C19orf38: variants seen among roughly 807,000 people sequenced by gnomAD.
C19orf38 encodes chromosome 19 open reading frame 38.
C19orf38 carries 14 observed loss-of-function variants against 26.6 expected under a neutral mutation model. The ratio of observed to expected loss-of-function variants is 0.53; its 90% CI spans 0.35 to 0.82. The LOEUF (loss-of-function observed/expected upper bound fraction) is 0.82, where lower values mean the gene tolerates loss of function less well. Ranked by LOEUF, C19orf38 falls within the 40% of genes least tolerant of loss-of-function variation. The pLI, the probability that C19orf38 is intolerant of heterozygous loss-of-function variation, is 0.01. For synonymous variants in C19orf38, 132 were observed against 128.5 expected, an observed-to-expected ratio of 1.03 and a Z score of -0.18; for missense variants, 261 against 299.5, an observed-to-expected ratio of 0.87 and a Z score of 0.95.
intron 5 of C19orf38, 100 bp downstream of exon 5, chr19:10,860,058 T>C (rs1207976608): frequency 3.2e-6 from 4 of 1,264,864 alleles, no homozygotes; most frequent in Non-Finnish European, 1.1e-6. Context: ...CTGTGACTGC[T>C]TGTTCCCTTT....
chr19:10,865,997 A>G (rs2073747544), intron 6 of C19orf38, among the ~76,000 whole-genome samples: 1 of 150,312 alleles, frequency 6.7e-6, no homozygotes, highest in African/African-American at 2.4e-5. Context: ...TTATATATAT[A>G]TTTATTTATT....
At chr19:10,845,106 A>G (rs1224223961), upstream of C19orf38, among the ~76,000 whole-genome samples, 1 of 151,374 alleles carries the variant, frequency 6.6e-6, no homozygotes, top group Non-Finnish European at 1.5e-5. Flanking sequence ...GCAGTGAGCC[A>G]TGATTATACC....
Position 10,859,905 on chromosome 19 carries a change from TC to T in C19orf38, c.462-8del. ...TGATCCCTGTCACTTTCTCCTGAAT[TC>T]CTTTGCAGAGATCGAGAATCCTGCT... is the stretch of plus-strand genomic sequence containing the variant. On this transcript the variant is annotated splice_polypyrimidine_tract_variant and intron_variant, in intron 4 of 6. Coordinates refer to ENST00000397820, the MANE Select transcript of C19orf38 (RefSeq NM_001136482.3). The T allele has an allele frequency of 6.4e-7, 1 of 1,551,602 alleles. No homozygotes were observed. The highest frequency in any genetic ancestry group is 8.7e-7 in the Non-Finnish European group (1 of 1,146,780).
chr19:10,850,624 C>T, intron 2 of C19orf38, 57 bp downstream of exon 2: 8 of 1,514,338 alleles, frequency 5.3e-6, no homozygotes, highest in Non-Finnish European at 7.1e-6. Context: ...ACATGGACCT[C>T]TTGTGTGTAC....
In C19orf38 at chr19:10,859,139, G is replaced by T. The variant is rs1288107627; in HGVS notation, c.462-776G>T. On this transcript the variant is annotated intron_variant, in intron 4 of 6. Coordinates refer to ENST00000397820, the MANE Select transcript of C19orf38 (RefSeq NM_001136482.3). ...TTTAGTAGAGACGGGATTTCTCCAT[G>T]TTGGTCCGGGTGGTCTTGAACTCCC... Among the ~76,000 whole-genome samples the T allele has an allele frequency of 3.3e-5, 5 of 149,378 alleles. No individual in the cohort carries two copies. The East Asian group carries it at 7.9e-4, about 24-fold the overall frequency.
intron 6 of C19orf38, among the ~76,000 whole-genome samples, chr19:10,864,861 A>G (rs2073736911): frequency 6.6e-6 from 1 of 152,148 alleles, no homozygotes; most frequent in Non-Finnish European, 1.5e-5. Flanking sequence ...GGAGTCAGCC[A>G]CCTCAACCCA....
chr19:10,846,373 A>AT (rs980004902), upstream of C19orf38, among the ~76,000 whole-genome samples: 4 of 150,516 alleles, frequency 2.7e-5, no homozygotes, highest in East Asian at 2.0e-4. Context: ...ATTAAAAAAA[A>AT]TTTTTTTTTA....
chr19:10,842,142 C>G (rs922881130), intron 1 of C19orf38: 161 of 1,579,820 alleles, frequency 1.0e-4, no homozygotes, highest in Non-Finnish European at 1.2e-4. Flanking sequence ...CACTCAGGCC[C>G]AGATGACACC....
In C19orf38 at chr19:10,867,360, T is replaced by C. The variant is rs543937161; in HGVS notation, c.544-1858T>C. ...TAGCACATGCCTATAATGCCAGCAC[T>C]TTGGGAGGCCAAGGCGGGCAGATCA... On this transcript the variant is annotated intron_variant, in intron 6 of 6. Coordinates refer to ENST00000397820, the MANE Select transcript of C19orf38 (RefSeq NM_001136482.3). 2.0e-5 allele frequency among the ~76,000 whole-genome samples: 3 copies of C among 151,226 alleles called. No homozygotes were observed. In the South Asian group the frequency reaches 6.3e-4, roughly 32 times the overall value.
intron 2 of C19orf38, among the ~76,000 whole-genome samples, chr19:10,851,197 G>A (rs1343878651): frequency 6.6e-6 from 1 of 152,118 alleles, no homozygotes; most frequent in Non-Finnish European, 1.5e-5. Flanking sequence ...GGGATTACAG[G>A]TGTGTGCCAC....
intron 5 of C19orf38, 69 bp from the exon 6 acceptor site, chr19:10,863,101 G>A: frequency 2.0e-6 from 3 of 1,480,240 alleles, no homozygotes; most frequent in East Asian, 2.5e-5. Flanking sequence ...GGGCAGTGCG[G>A]GGATGGCAGG....
upstream of C19orf38, among the ~76,000 whole-genome samples, chr19:10,845,731 T>C (rs1355562963): frequency 6.6e-6 from 1 of 151,498 alleles, no homozygotes; most frequent in Admixed American, 6.6e-5. Flanking sequence ...TACAAAAAAT[T>C]AGCCATGCAT....
intron 6 of C19orf38, among the ~76,000 whole-genome samples, chr19:10,868,462 G>A (rs1205039694): frequency 6.6e-6 from 1 of 152,156 alleles, no homozygotes; most frequent in Non-Finnish European, 1.5e-5. Context: ...TTTGAGGAAT[G>A]TTTTGCCCAT....
At chr19:10,849,983 C>T (rs1260390635) in intron 1 of C19orf38, among the ~76,000 whole-genome samples, 2 of 150,610 alleles carry the variant, frequency 1.3e-5, no homozygotes, top group African/African-American at 4.9e-5. Context: ...CACTTGAACC[C>T]GGGAGGTGGA....
intron 3 of C19orf38, among the ~76,000 whole-genome samples, chr19:10,857,339 C>CATATATATATATATATATATATATATAT (rs1215628613): frequency 3.7e-5 from 2 of 54,028 alleles, no homozygotes; most frequent in Non-Finnish European, 6.0e-5. Flanking sequence ...CACACACATA[C>CATATATATATATATATATATATATATAT]ATATATATAT....
At chr19:10,859,244 A>ATATATGTG (rs1456104151) in intron 4 of C19orf38, among the ~76,000 whole-genome samples, 1 of 119,392 alleles carries the variant, frequency 8.4e-6, no homozygotes, top group African/African-American at 3.2e-5. Flanking sequence ...GCTTTTATAT[A>ATATATGTG]TGTGTGTGTG....
intron 1 of C19orf38, among the ~76,000 whole-genome samples, chr19:10,849,735 A>T (rs1449577756): frequency 6.6e-6 from 1 of 152,104 alleles, no homozygotes; most frequent in East Asian, 1.9e-4. Context: ...AAATAAGAGT[A>T]TAGTTGTGTT....
intron 1 of C19orf38, among the ~76,000 whole-genome samples, chr19:10,837,439 A>AAGTAAC (rs1055472220): frequency 1.0e-4 from 15 of 148,710 alleles, no homozygotes; most frequent in African/African-American, 3.7e-4. Flanking sequence ...GGACAATTTG[A>AAGTAAC]AGTAACAGTG....
upstream of C19orf38, among the ~76,000 whole-genome samples, chr19:10,846,900 C>T (rs1490327885): frequency 6.6e-6 from 1 of 152,176 alleles, no homozygotes; most frequent in Non-Finnish European, 1.5e-5. Context: ...GCTATTTAAA[C>T]TGAGACCTGA....
Sources: gnomAD v4.1 joint callset for allele counts (sites outside exome capture counted in the v4.1 genomes callset) on GRCh38, gnomAD v4.1.1 for gene constraint, MANE v1.5 for transcripts, NCBI Gene and HGNC (gene_info 2026-07-23, HGNC 2026-07-21) for gene names.